ARHGEF37: variants seen among roughly 807,000 people sequenced by gnomAD.
The protein encoded by ARHGEF37 is Rho guanine nucleotide exchange factor 37, also known as Rho guanine nucleotide exchange factor (GEF) 37.
Under a neutral mutation model 71.1 loss-of-function variants are expected in ARHGEF37, and 55 were observed. The observed-to-expected ratio is 0.77, with a 90% CI of 0.62 to 0.97. The LOEUF is 0.97. Ranked by LOEUF, ARHGEF37 falls within the 50% of genes least tolerant of loss-of-function variation. The probability of loss-of-function intolerance (pLI) is 0.00; values close to 1 mark genes in which losing one functional copy is unlikely to be tolerated. For synonymous variants in ARHGEF37, 327 were observed against 350.6 expected (o/e 0.93, Z 0.75); for missense variants, 765 against 836.8 (o/e 0.91, Z 1.06).
At chr5:149,604,694 T>C (rs1343705567) in intron 3 of ARHGEF37, among the ~76,000 whole-genome samples, 25 of 98,950 alleles carry the variant, frequency 2.5e-4, no homozygotes, top group Non-Finnish European at 3.8e-4. Context: ...TTTTTTTTTT[T>C]TTTTTTGAGA....
chr5:149,601,858 C>T (rs973818766), intron 3 of ARHGEF37, among the ~76,000 whole-genome samples: 2 of 151,854 alleles, frequency 1.3e-5, no homozygotes, highest in African/African-American at 2.4e-5. Flanking sequence ...AAAGGACAGA[C>T]GGAAGGTTGA....
chr5:149,591,179 C>T (rs1298172459), intron 1 of ARHGEF37, among the ~76,000 whole-genome samples: 2 of 151,476 alleles, frequency 1.3e-5, no homozygotes, highest in African/African-American at 4.9e-5. Flanking sequence ...TCAAAACAGT[C>T]CTCCTGCCTC....
intron 1 of ARHGEF37, among the ~76,000 whole-genome samples, chr5:149,558,117 C>G (rs918395730): frequency 1.3e-5 from 2 of 152,174 alleles, no homozygotes; most frequent in African/African-American, 4.8e-5. Context: ...GGTGATCCAC[C>G]TGACTTGGCC....
intron 1 of ARHGEF37, among the ~76,000 whole-genome samples, chr5:149,589,414 A>G (rs951356632): frequency 2.6e-4 from 39 of 151,956 alleles, no homozygotes; most frequent in African/African-American, 8.5e-4. Flanking sequence ...TGTAGCCTCA[A>G]CTTCCAGAGT....
In ARHGEF37 at chr5:149,621,902, G is replaced by A. The variant is rs754074265; in HGVS notation, c.1175G>A (p.Arg392Gln). Residue 392 changes from arginine to glutamine, a missense_variant, in exon 9 of 13, where the codon CGG becomes CAG. This residue lies in a region of ARHGEF37 where 390 missense variants were observed against 407.4 expected (regional missense o/e 0.96). Transcript: ENST00000333677. ...GTGACCTACCAGGAGGAGGCCGCCC[G>A]GCACACATACCAGGCACTCAACTCG... Reference protein sequence around the residue: ...GSVTYQEEAARHTYQALNSLL... With the variant: ...GSVTYQEEAAQHTYQALNSLL... 1.6e-5 allele frequency: 26 copies of A among 1,614,116 alleles called. 2 individuals are homozygous for A. Among genetic ancestry groups the A allele is most frequent in the South Asian group, 1.4e-4 (13 of 91,092 alleles).
chr5:149,595,083 C>T (rs1169665600), intron 1 of ARHGEF37, among the ~76,000 whole-genome samples: 3 of 152,062 alleles, frequency 2.0e-5, no homozygotes, highest in Non-Finnish European at 2.9e-5. Flanking sequence ...GGGACTGGAG[C>T]GAATTAGGTG....
intron 1 of ARHGEF37, among the ~76,000 whole-genome samples, chr5:149,593,463 G>A (rs1763465582): frequency 2.0e-5 from 3 of 152,170 alleles, no homozygotes; most frequent in African/African-American, 7.2e-5. Context: ...TAAGCATAAT[G>A]TTTTTAAGAT....
intron 9 of ARHGEF37, among the ~76,000 whole-genome samples, chr5:149,622,398 G>A (rs1297919568): frequency 2.0e-5 from 3 of 152,170 alleles, no homozygotes. Context: ...GAGACAGAAG[G>A]TCGTTTCTAC....
In ARHGEF37 at chr5:149,631,969, C is replaced by CCA. The variant is rs1323657319; in HGVS notation, c.1819-12_1819-11dup. 1.6e-5 allele frequency: 26 copies of CCA among 1,613,574 alleles called. No individual in the cohort carries two copies. The highest frequency in any genetic ancestry group is 2.0e-5 in the Non-Finnish European group (24 of 1,179,648). On this transcript the variant is annotated splice_polypyrimidine_tract_variant and intron_variant, in intron 12 of 12. Coordinates refer to ENST00000333677, the MANE Select transcript of ARHGEF37 (RefSeq NM_001001669.3). Reference sequence around the variant, plus strand: ...ACCCTGACCATTTCTGTGTCACTCCCCATGTGTTTCAGGTCATAGCCGCGT... The same window carrying CCA: ...ACCCTGACCATTTCTGTGTCACTCCCCACATGTGTTTCAGGTCATAGCCGCGT...
intron 1 of ARHGEF37, among the ~76,000 whole-genome samples, chr5:149,558,689 ATATGTGTGTGTGTGTG>A (rs760526866): frequency 3.2e-4 from 17 of 52,650 alleles, no homozygotes; most frequent in Non-Finnish European, 6.0e-4. Flanking sequence ...AACCATATAT[ATATGTGTGTGTGTGTG>A]TGTGTGTGTG....
At chr5:149,613,764 CTTT>C (rs5872138) in intron 4 of ARHGEF37, among the ~76,000 whole-genome samples, 20 of 133,214 alleles carry the variant, frequency 1.5e-4, no homozygotes, top group Admixed American at 2.3e-4. Flanking sequence ...ACAGTGTTTT[CTTT>C]TTTTTTTTTT....
In ARHGEF37 at chr5:149,594,023, G is replaced by A. The variant is rs1422998772; in HGVS notation, c.-11-3736G>A. ...TATTTTAAATGGATATATAATAGTT[G>A]GGGAGTATATGTGATATTTTGATAC... On this transcript the variant is annotated intron_variant, in intron 1 of 12. Coordinates refer to ENST00000333677, the MANE Select transcript of ARHGEF37 (RefSeq NM_001001669.3). Among the ~76,000 whole-genome samples the A allele has an allele frequency of 2.0e-5, 3 of 152,078 alleles. No homozygotes were observed. The East Asian group carries it at 5.8e-4, about 29-fold the overall frequency.
chr5:149,551,792 T>TG (rs1405779102), upstream of ARHGEF37, among the ~76,000 whole-genome samples: 8 of 152,266 alleles, frequency 5.3e-5, no homozygotes, highest in Admixed American at 1.3e-4. Flanking sequence ...TATTGACCTG[T>TG]GCTCTTTGAG....
intron 1 of ARHGEF37, among the ~76,000 whole-genome samples, chr5:149,571,723 C>A (rs1398841237): frequency 6.6e-6 from 1 of 151,902 alleles, no homozygotes; most frequent in Non-Finnish European, 1.5e-5. Context: ...GAGTTTGAGA[C>A]CAGCTTGGGC....
chr5:149,631,097 T>C (rs1247839730), intron 12 of ARHGEF37, among the ~76,000 whole-genome samples: 11 of 152,086 alleles, frequency 7.2e-5, no homozygotes, highest in Admixed American at 2.6e-4. Flanking sequence ...TGCCAATTGT[T>C]TTCTCTAGTT....
At chr5:149,603,894 C>A (rs537237922) in intron 3 of ARHGEF37, among the ~76,000 whole-genome samples, 38 of 152,238 alleles carry the variant, frequency 2.5e-4, no homozygotes, top group African/African-American at 9.2e-4. Flanking sequence ...TGAGATCGTG[C>A]CAGTGTACTC....
intron 11 of ARHGEF37, among the ~76,000 whole-genome samples, chr5:149,627,916 T>C (rs1402845799): frequency 1.3e-5 from 2 of 152,248 alleles, no homozygotes; most frequent in Non-Finnish European, 2.9e-5. Flanking sequence ...AGACAGTGTA[T>C]TATAATTGTT....
intron 1 of ARHGEF37, among the ~76,000 whole-genome samples, chr5:149,596,466 G>A (rs915728661): frequency 1.8e-4 from 28 of 152,170 alleles, no homozygotes; most frequent in African/African-American, 6.5e-4. Flanking sequence ...CACCACACCC[G>A]GCTAATTTTT....
rs58959997 is a variant in ARHGEF37, at chr5:149,558,691, ATGTGTGTGTGTGTGTG to A, written c.-12+6600_-12+6615del. Among the ~76,000 whole-genome samples, 327 of 128,062 alleles carry A rather than the reference ATGTGTGTGTGTGTGTG, an allele frequency of 2.6e-3. 3 individuals carry two copies. Among genetic ancestry groups the A allele is most frequent in the Middle Eastern group, 0.016 (4 of 252 alleles). 84.0% of individuals were successfully genotyped at this position (128,062 alleles called of 152,430 possible). A position where few individuals can be genotyped will look rare whatever the true frequency, so the allele number is the denominator to read the frequency against. ...ATGATCTTTAAAAAACCATATATATATGTGTGTGTGTGTGTGTGTGTGTGTGTGTGTGTGTGTGTGT... is the reference window on the plus strand; with the variant it reads ...ATGATCTTTAAAAAACCATATATATATGTGTGTGTGTGTGTGTGTGTGTGT... On this transcript the variant is annotated intron_variant, in intron 1 of 2. Transcript: ENST00000505810.
Sources: gnomAD v4.1 joint callset for allele counts (sites outside exome capture counted in the v4.1 genomes callset) on GRCh38, gnomAD v4.1.1 for gene constraint, gnomAD v4.1.1 regional missense constraint, MANE v1.5 for transcripts, NCBI Gene and HGNC (gene_info 2026-07-23, HGNC 2026-07-21) for gene names.